Variants in DEPDC5 observed in about 807,000 individuals in gnomAD.
The protein encoded by DEPDC5 is DEP domain containing 5, GATOR1 subcomplex subunit, also known as GATOR1 complex protein DEPDC5.
In DEPDC5, 73 loss-of-function variants were observed where a neutral mutation model predicts 217.3. That is an observed-to-expected ratio of 0.34 (90% CI 0.28 to 0.41). The LOEUF (loss-of-function observed/expected upper bound fraction) is 0.41, where lower values mean the gene tolerates loss of function less well. Ranked by LOEUF, DEPDC5 falls within the 10% of genes least tolerant of loss-of-function variation. The pLI is 1.00. For missense variants in DEPDC5, 1,675 were observed against 2,070.1 expected (o/e 0.81, Z 3.70); for synonymous variants, 733 against 756.7 (o/e 0.97, Z 0.51).
At chr22:31,836,313 G>A (rs919750179) in intron 25 of DEPDC5, among the ~76,000 whole-genome samples, 2 of 152,232 alleles carry the variant, frequency 1.3e-5, no homozygotes, top group African/African-American at 4.8e-5. Context: ...CCGAGGCTGA[G>A]AAACTCTGCT....
intron 36 of DEPDC5, chr22:31,875,330 C>T (rs979985659): frequency 6.1e-6 from 1 of 164,224 alleles, no homozygotes; most frequent in Non-Finnish European, 1.5e-5. Context: ...CATGTATCAA[C>T]ATGGATAAAT....
At position 31,766,028 on chromosome 22, in the gene DEPDC5, AAAT is replaced by A. The variant is rs747920614; in HGVS notation, c.280-548_280-546del. On this transcript the variant is annotated intron_variant, in intron 5 of 42. Coordinates refer to ENST00000651528, the MANE Select transcript of DEPDC5 (RefSeq NM_001242896.3). ...GGCAACAGCAATATCCTGTCTCAAAAAATAATAATAACTAAATAAATATGTAGC... is the reference window on the plus strand; with the variant it reads ...GGCAACAGCAATATCCTGTCTCAAAAAATAATAACTAAATAAATATGTAGC... Among the ~76,000 whole-genome samples, 15 of 152,328 alleles carry A rather than the reference AAAT, an allele frequency of 9.8e-5. 1 individual carries two copies. The highest frequency in any genetic ancestry group is 1.6e-4 in the Non-Finnish European group (11 of 68,032).
At chr22:31,884,851 T>G (rs964284042) in intron 38 of DEPDC5, among the ~76,000 whole-genome samples, 1 of 152,244 alleles carries the variant, frequency 6.6e-6, no homozygotes, top group Non-Finnish European at 1.5e-5. Context: ...TCTTGCCTTC[T>G]CATTCTAGTC....
At chr22:31,764,684 GAGATTAC>G (rs768603899) in intron 4 of DEPDC5, among the ~76,000 whole-genome samples, 5 of 152,134 alleles carry the variant, frequency 3.3e-5, no homozygotes, top group Admixed American at 1.3e-4. Context: ...CCAAAGTGCT[GAGATTAC>G]AGGTGTTAGC....
intron 41 of DEPDC5, among the ~76,000 whole-genome samples, chr22:31,903,816 T>G (rs915403900): frequency 6.6e-6 from 1 of 151,182 alleles, no homozygotes; most frequent in African/African-American, 2.4e-5. Flanking sequence ...GAATTCCTCT[T>G]TCCCTTTCTT....
At chr22:31,855,669 C>T (rs2092260328) in intron 31 of DEPDC5, among the ~76,000 whole-genome samples, 1 of 152,090 alleles carries the variant, frequency 6.6e-6, no homozygotes, top group Non-Finnish European at 1.5e-5. Flanking sequence ...TGAGCCACTG[C>T]GCCTGGCCAA....
chr22:31,869,216 C>G (rs2092770058), intron 33 of DEPDC5, among the ~76,000 whole-genome samples: 2 of 145,016 alleles, frequency 1.4e-5, no homozygotes, highest in Non-Finnish European at 3.0e-5. Context: ...CCAGCCTGAG[C>G]AAAAGAGGGC....
intron 27 of DEPDC5, among the ~76,000 whole-genome samples, 197 bp from the exon 28 acceptor site, chr22:31,842,894 CTGGT>C (rs762284584): frequency 7.2e-5 from 11 of 152,150 alleles, no homozygotes; most frequent in Non-Finnish European, 1.2e-4. Flanking sequence ...TAATCTGCTC[CTGGT>C]TGGTTTAATA....
chr22:31,867,830 C>T (rs2092729449), intron 33 of DEPDC5, among the ~76,000 whole-genome samples: 1 of 152,156 alleles, frequency 6.6e-6, no homozygotes, highest in Non-Finnish European at 1.5e-5. Flanking sequence ...GACTAATGTG[C>T]ATTTCTGGTA....
chr22:31,831,812 G>A (rs1410593407), intron 24 of DEPDC5, among the ~76,000 whole-genome samples: 1 of 152,136 alleles, frequency 6.6e-6, no homozygotes, highest in Non-Finnish European at 1.5e-5. Flanking sequence ...GCTATATTTA[G>A]TGTACAGTTC....
intron 6 of DEPDC5, among the ~76,000 whole-genome samples, chr22:31,767,381 G>A (rs5998119): frequency 2.6e-5 from 4 of 150,970 alleles, no homozygotes; most frequent in Non-Finnish European, 1.5e-5. Flanking sequence ...CCACAACCTC[G>A]GCCTTCCTGG....
chr22:31,822,325 G>A (rs755537551), intron 23 of DEPDC5, among the ~76,000 whole-genome samples: 1 of 152,148 alleles, frequency 6.6e-6, no homozygotes, highest in Non-Finnish European at 1.5e-5. Context: ...TGGGGAGGGC[G>A]TGACCTTCTT....
Position 31,754,907 on chromosome 22 carries a change from G to T in DEPDC5, c.-15G>T. 6.2e-7 allele frequency: 1 copy of T among 1,614,142 alleles called. No individual in the cohort carries two copies. Among genetic ancestry groups the T allele is most frequent in the African/African-American group, 1.3e-5 (1 of 75,050 alleles). ...GCCCCAAGCTTGGAACAGCTAAAGG[G>T]AAAAACAGTGCAAGATGAGAACAAC... is the stretch of plus-strand genomic sequence containing the variant. On this transcript the variant is annotated 5_prime_UTR_variant, in exon 2 of 43. Coordinates refer to ENST00000651528, the MANE Select transcript of DEPDC5 (RefSeq NM_001242896.3).
rs1284856371 is a variant in DEPDC5, at chr22:31,879,714, G to A, written c.3995G>A (p.Arg1332Gln). 14 of 1,613,984 alleles carry A rather than the reference G, an allele frequency of 8.7e-6. No individual in the cohort carries two copies. Among genetic ancestry groups the A allele is most frequent in the South Asian group, 1.1e-5 (1 of 91,080 alleles). ...SYASRHSSFS[R>Q]SFGGRSQAAA... ...GCAAGTAGGCACAGCTCCTTTAGCC[G>A]AAGTTTTGGAGGACGGAGCCAGGCG... Residue 1332 changes from arginine to glutamine, a missense_variant, in exon 38 of 43, where the codon CGA (arginine) becomes CAA (glutamine). Transcript: ENST00000651528.
chr22:31,804,886 C>T lies in DEPDC5; in HGVS notation c.1188C>T (p.Asp396=), dbSNP rs2087326844. The change falls in exon 17 of 43, where the codon GAC becomes GAT. Residue 396 remains aspartate (D), a synonymous_variant. Transcript: ENST00000651528. The stretch of plus-strand genomic sequence containing the variant: ...CCCGTGATTCTCGTCTGGGCGATGA[C>T]TATAATATCCCTCACTGGATAAACC... The part of the protein sequence containing the change: ...SAPRDSRLGD[D]YNIPHWINHS... 6.2e-7 allele frequency: 1 copy of T among 1,613,870 alleles called. No homozygotes were observed. The highest frequency in any genetic ancestry group is 8.5e-7 in the Non-Finnish European group (1 of 1,179,888).
chr22:31,787,322 C>T (rs1038178120), intron 10 of DEPDC5, among the ~76,000 whole-genome samples: 6 of 152,050 alleles, frequency 3.9e-5, no homozygotes, highest in African/African-American at 9.7e-5. Flanking sequence ...TGAGCTCAAG[C>T]GGTCACCCAC....
chr22:31,853,045 A>T (rs2092114816), intron 31 of DEPDC5: 1 of 152,268 alleles, frequency 6.6e-6, no homozygotes, highest in Non-Finnish European at 1.5e-5. Flanking sequence ...TTTGTTACTG[A>T]GGGCACTGGG....
intron 38 of DEPDC5, among the ~76,000 whole-genome samples, chr22:31,884,331 G>A (rs987109785): frequency 6.6e-6 from 1 of 152,040 alleles, no homozygotes; most frequent in African/African-American, 2.4e-5. Context: ...CATCCCTGTC[G>A]ATCTGTGACA....
chr22:31,870,633 G>A lies in DEPDC5; in HGVS notation c.3374G>A (p.Ser1125Asn), dbSNP rs2149230975. ...QTATPMLDGT[S>N]LGICTGQSMD... ...GCCACTCCTATGTTGGACGGCACCA[G>A]TTTGGGCATATGCACAGGCCAATCC... is the stretch of plus-strand genomic sequence containing the variant. The change falls in exon 34 of 43, where the codon AGT becomes AAT. Residue 1125 changes from serine (S) to asparagine (N), a missense_variant. Around this residue, in one of 11 missense-constraint regions of DEPDC5, gnomAD observed 126 missense variants for 113.8 expected, o/e 1.11. Coordinates refer to ENST00000651528, the MANE Select transcript of DEPDC5 (RefSeq NM_001242896.3). 6.3e-7 allele frequency: 1 copy of A among 1,596,466 alleles called. No individual in the cohort carries two copies. Among genetic ancestry groups the A allele is most frequent in the Non-Finnish European group, 8.5e-7 (1 of 1,172,654 alleles).
Sources: gnomAD v4.1 joint callset for allele counts (sites outside exome capture counted in the v4.1 genomes callset) on GRCh38, gnomAD v4.1.1 for gene constraint, gnomAD v4.1.1 regional missense constraint, MANE v1.5 for transcripts, NCBI Gene and HGNC (gene_info 2026-07-23, HGNC 2026-07-21) for gene names.